The following ALK variants were observed in gnomAD, a reference collection of about 807,000 sequenced individuals.
The protein encoded by ALK is ALK receptor tyrosine kinase.
Under a neutral mutation model 163.1 loss-of-function variants are expected in ALK, and 74 were observed. That is an observed-to-expected ratio of 0.45 (90% confidence interval 0.38 to 0.55). ALK has a LOEUF of 0.55. Ranked by LOEUF, ALK falls within the 20% of genes least tolerant of loss-of-function variation. ALK has a pLI of 0.00. For synonymous variants in ALK, 960 were observed against 843.2 expected (o/e 1.14, Z -2.40); for missense variants, 2,063 against 2,105.3 (o/e 0.98, Z 0.39).
intron 23 of ALK, among the ~76,000 whole-genome samples, chr2:29,219,055 G>A (rs1669713641): frequency 6.6e-6 from 1 of 152,180 alleles, no homozygotes; most frequent in Non-Finnish European, 1.5e-5. Flanking sequence ...CACTTCCTGT[G>A]TGGCCATGGC....
intron 6 of ALK, among the ~76,000 whole-genome samples, chr2:29,321,608 A>G (rs1050352075): frequency 1.3e-5 from 2 of 152,184 alleles, no homozygotes; most frequent in Non-Finnish European, 2.9e-5. Context: ...TGAAACAACC[A>G]ATGAAAGTTC....
At chr2:29,904,545 T>A (rs985315504) in intron 1 of ALK, among the ~76,000 whole-genome samples, 1 of 152,308 alleles carries the variant, frequency 6.6e-6, no homozygotes, top group East Asian at 1.9e-4. Flanking sequence ...AGATAATGGA[T>A]AATATCTTCA....
At position 29,355,539 on chromosome 2, in the gene ALK, T is replaced by G. The variant is rs998756409; in HGVS notation, c.1283-27058A>C. ...TGTCCTTGAAGGTCTCTGCAATGCA[T>G]GTCCTTATGCCACTATCCCATCCCT... On this transcript the variant is annotated intron_variant, in intron 5 of 28. Transcript: ENST00000389048. Among the ~76,000 whole-genome samples, 4 of 152,214 alleles carry G rather than the reference T, an allele frequency of 2.6e-5. No homozygotes were observed. In the South Asian group the frequency reaches 8.3e-4, roughly 32 times the overall value.
chr2:29,228,774 A>C (rs1558627201), intron 16 of ALK, 110 bp downstream of exon 16: 1 of 772,994 alleles, frequency 1.3e-6, no homozygotes, highest in Non-Finnish European at 2.3e-6. Context: ...GTCACATCAC[A>C]GTCCACACTT....
At chr2:29,688,692 G>C (rs923789609) in intron 3 of ALK, among the ~76,000 whole-genome samples, 8 of 152,166 alleles carry the variant, frequency 5.3e-5, no homozygotes, top group Non-Finnish European at 7.3e-5. Flanking sequence ...CTGCCCATGA[G>C]TGTGTGTCTG....
intron 1 of ALK, among the ~76,000 whole-genome samples, chr2:29,802,033 A>T (rs1664479004): frequency 6.6e-6 from 1 of 152,126 alleles, no homozygotes; most frequent in African/African-American, 2.4e-5. Context: ...CTGTAAGGAA[A>T]ACTGTACAAT....
chr2:29,521,283 T>C (rs1197615051), intron 4 of ALK, among the ~76,000 whole-genome samples: 1 of 152,154 alleles, frequency 6.6e-6, no homozygotes, highest in Non-Finnish European at 1.5e-5. Context: ...GTAGGTCTCA[T>C]GCCCTGGGCT....
intron 1 of ALK, among the ~76,000 whole-genome samples, chr2:29,833,848 G>T (rs924467043): frequency 6.6e-6 from 1 of 152,152 alleles, no homozygotes; most frequent in African/African-American, 2.4e-5. Flanking sequence ...ACCACATCCA[G>T]CTCTAGACAG....
chr2:29,286,740 T>C (rs1665866906), intron 9 of ALK: 1 of 152,168 alleles, frequency 6.6e-6, no homozygotes, highest in African/African-American at 2.4e-5. Flanking sequence ...AATTTGGGAA[T>C]GAAACATTCA....
At chr2:29,894,752 C>T (rs1667225552) in intron 1 of ALK, among the ~76,000 whole-genome samples, 1 of 151,988 alleles carries the variant, frequency 6.6e-6, no homozygotes, top group African/African-American at 2.4e-5. Flanking sequence ...TGATTCTGGA[C>T]TCCCTTTTAA....
intron 6 of ALK, among the ~76,000 whole-genome samples, chr2:29,322,935 G>T (rs760175406): frequency 1.6e-4 from 25 of 152,234 alleles, no homozygotes; most frequent in Non-Finnish European, 3.5e-4. Flanking sequence ...GCCGGCCTGA[G>T]GTGGGAGATG....
chr2:29,628,187 C>A (rs1425811024), intron 3 of ALK, among the ~76,000 whole-genome samples: 1 of 152,124 alleles, frequency 6.6e-6, no homozygotes, highest in African/African-American at 2.4e-5. Flanking sequence ...TTGCTTAAAA[C>A]CCTGAAATAC....
intron 4 of ALK, among the ~76,000 whole-genome samples, chr2:29,456,939 C>T (rs985119318): frequency 4.6e-5 from 7 of 152,036 alleles, no homozygotes; most frequent in African/African-American, 1.4e-4. Flanking sequence ...AAAGTGGCCA[C>T]GCACATAAAG....
At chr2:29,334,510 A>T (rs926278558) in intron 5 of ALK, among the ~76,000 whole-genome samples, 8 of 152,176 alleles carry the variant, frequency 5.3e-5, no homozygotes, top group Non-Finnish European at 1.2e-4. Context: ...AGGAGTGGTA[A>T]TGGTGGGCAT....
intron 3 of ALK, among the ~76,000 whole-genome samples, chr2:29,654,979 G>A (rs1677144334): frequency 1.3e-5 from 2 of 152,088 alleles, no homozygotes; most frequent in African/African-American, 4.8e-5. Flanking sequence ...GCTTACTGTA[G>A]GCTAAGAAAA....
chr2:29,482,509 G>T (rs1174282220), intron 4 of ALK, among the ~76,000 whole-genome samples: 1 of 152,110 alleles, frequency 6.6e-6, no homozygotes, highest in African/African-American at 2.4e-5. Context: ...TAGCAGAGAG[G>T]TGTGACAGCT....
chr2:29,802,913 C>A (rs1199829090), intron 1 of ALK, among the ~76,000 whole-genome samples: 1 of 151,872 alleles, frequency 6.6e-6, no homozygotes, highest in Non-Finnish European at 1.5e-5. Flanking sequence ...ACACTGACCC[C>A]CAAACCATGC....
Position 29,428,751 on chromosome 2 carries a change from C to T in ALK, c.1155-44892G>A, listed in dbSNP as rs191392158. On this transcript the variant is annotated intron_variant, in intron 4 of 28. Coordinates refer to ENST00000389048, the MANE Select transcript of ALK (RefSeq NM_004304.5). ...TAGAAGAAGAGGAAACACTTCCCAACGCATTCTACGATGTCAGTATTATTT... is the reference window on the plus strand; with the variant it reads ...TAGAAGAAGAGGAAACACTTCCCAATGCATTCTACGATGTCAGTATTATTT... Among the ~76,000 whole-genome samples, 468 of 152,042 alleles carry T rather than the reference C, an allele frequency of 3.1e-3. 2 individuals carry two copies. Among genetic ancestry groups the T allele is most frequent in the African/African-American group, 0.01 (432 of 41,524 alleles).
chr2:29,712,060 T>G (rs1045835168), intron 2 of ALK, among the ~76,000 whole-genome samples: 17 of 152,206 alleles, frequency 1.1e-4, no homozygotes, highest in African/African-American at 4.1e-4. Flanking sequence ...TTTAAAGAGA[T>G]ATGACCAAGA....
Sources: gnomAD v4.1 joint callset for allele counts (sites outside exome capture counted in the v4.1 genomes callset) on GRCh38, gnomAD v4.1.1 for gene constraint, MANE v1.5 for transcripts, NCBI Gene and HGNC (gene_info 2026-07-23, HGNC 2026-07-21) for gene names.